The following TCF3 variants were observed in gnomAD, a reference collection of about 807,000 sequenced individuals.
TCF3 encodes the protein transcription factor 3.
In TCF3, 54 loss-of-function variants were observed where a neutral mutation model predicts 72.3. The ratio of observed to expected loss-of-function variants is 0.75; its 90% CI spans 0.60 to 0.94. The LOEUF (loss-of-function observed/expected upper bound fraction) is 0.94, where lower values mean the gene tolerates loss of function less well. Ranked by LOEUF, TCF3 falls within the 40% of genes least tolerant of loss-of-function variation. TCF3 has a pLI of 0.00. For missense variants in TCF3, 1,078 were observed against 934.4 expected (o/e 1.15, Z -2.00); for synonymous variants, 525 against 412.6 (o/e 1.27, Z -3.30).
At position 1,648,532 on chromosome 19, in the gene TCF3, T is replaced by A. The variant is rs144235960; in HGVS notation, c.72+1645A>T. Among the ~76,000 whole-genome samples the A allele has an allele frequency of 7.3e-3, 1,116 of 152,258 alleles. 10 individuals are homozygous for A. Among genetic ancestry groups the A allele is most frequent in the South Asian group, 0.017 (84 of 4,826 alleles). On this transcript the variant is annotated intron_variant, in intron 2 of 18. Coordinates refer to ENST00000262965, the MANE Select transcript of TCF3 (RefSeq NM_003200.5). ...TGGTCTGTTCCAGCCCAGCGGTCTG[T>A]GACTTGTCAGTTTAACAAAAAACAA...
At chr19:1,639,571 C>T (rs1208369159) in intron 3 of TCF3, among the ~76,000 whole-genome samples, 1 of 152,038 alleles carries the variant, frequency 6.6e-6, no homozygotes, top group African/African-American at 2.4e-5. Flanking sequence ...CAAGTACTCA[C>T]AAAGAAGGAC....
At chr19:1,637,520 C>T (rs764788573) in intron 3 of TCF3, among the ~76,000 whole-genome samples, 4 of 152,176 alleles carry the variant, frequency 2.6e-5, no homozygotes, top group Admixed American at 6.5e-5. Flanking sequence ...CAGAGATAAC[C>T]GAGACCCCAT....
At chr19:1,642,188 AGACACAGACG>A (rs2065375355) in intron 3 of TCF3, among the ~76,000 whole-genome samples, 7 of 145,812 alleles carry the variant, frequency 4.8e-5, no homozygotes, top group South Asian at 2.3e-4. Context: ...ACACGCACGC[AGACACAGACG>A]CAGACACGCA....
In TCF3 at chr19:1,619,838, G is replaced by A. The variant is rs1188097835; in HGVS notation, c.1109C>T (p.Pro370Leu). 1 of 1,578,782 alleles carries A rather than the reference G, an allele frequency of 6.3e-7. No homozygotes were observed. The highest frequency in any genetic ancestry group is 8.6e-7 in the Non-Finnish European group (1 of 1,163,200). ...PQGLAGTSQW[P>L]RAGAPGALSP... ...TAAGGCACCGGGGGCTCCTGCTCGAGGCCACTGTGACGTTCCTGGAAGGGA... is the reference window on the plus strand; with the variant it reads ...TAAGGCACCGGGGGCTCCTGCTCGAAGCCACTGTGACGTTCCTGGAAGGGA... The change falls in exon 14 of 19, where the codon CCT (proline) becomes CTT (leucine). Residue 370 changes from proline (P) to leucine (L), a missense_variant. Transcript: ENST00000262965.
intron 2 of TCF3, among the ~76,000 whole-genome samples, chr19:1,647,575 C>T (rs1021745682): frequency 4.6e-5 from 7 of 152,216 alleles, no homozygotes; most frequent in African/African-American, 1.2e-4. Context: ...GTGGCACCCG[C>T]GCTGAAGGCA....
Position 1,619,121 on chromosome 19 carries a change from G to A in TCF3, c.1440C>T (p.Asp480=). Residue 480 remains aspartate (D), a synonymous_variant, in exon 16 of 19, where the codon GAC becomes GAT. Coordinates refer to ENST00000262965, the MANE Select transcript of TCF3 (RefSeq NM_003200.5). The part of the protein sequence containing the change: ...GTLPDLSRPP[D]SYSGLGRAGA... ...AGCTCAAGGGCTTACCACTGTAGGA[G>A]TCGGGAGGCCGAGACAGGTCAGGGA... 1.3e-6 allele frequency: 2 copies of A among 1,599,592 alleles called. No individual in the cohort carries two copies. The highest frequency in any genetic ancestry group is 1.7e-6 in the Non-Finnish European group (2 of 1,179,726).
At chr19:1,637,656 T>A (rs2064628130) in intron 3 of TCF3, among the ~76,000 whole-genome samples, 1 of 152,140 alleles carries the variant, frequency 6.6e-6, no homozygotes, top group African/African-American at 2.4e-5. Context: ...ACGCCTGTAA[T>A]CCCAGCACTT....
Position 1,622,185 on chromosome 19 carries a change from G to T in TCF3, c.691C>A (p.Pro231Thr). 1 of 1,567,404 alleles carries T rather than the reference G, an allele frequency of 6.4e-7. No homozygotes were observed. The highest frequency in any genetic ancestry group is 1.9e-5 in the Admixed American group (1 of 53,960). ...ATGGGCCCGAAGCCCGCCTGGCCCG[G>T]GGGACTCCAGAGCTCGGCTGAGGGG... ...LHPSAELWSPPGQAGFGPMLG... is the reference protein window; with the variant it reads ...LHPSAELWSPTGQAGFGPMLG... The change falls in exon 10 of 19, where the codon CCG becomes ACG. Residue 231 changes from proline (P) to threonine (T), a missense_variant. Transcript: ENST00000262965.
intron 3 of TCF3, among the ~76,000 whole-genome samples, chr19:1,636,653 C>A (rs536825038): frequency 6.6e-6 from 1 of 152,156 alleles, no homozygotes; most frequent in East Asian, 1.9e-4. Flanking sequence ...CGGCCCAGCT[C>A]GCGCACTGCA....
chr19:1,633,044 CAGG>C (rs1276554997), intron 3 of TCF3, among the ~76,000 whole-genome samples: 1 of 150,786 alleles, frequency 6.6e-6, no homozygotes, highest in Non-Finnish European at 1.5e-5. Context: ...CTGCGTGGGG[CAGG>C]AGTTCCCGGC....
rs377688933 is a variant in TCF3, at chr19:1,627,412, G to A, written c.313C>T (p.Arg105Trp). ...CTCCCGAAGGAGGCATAGGCGCCCC[G>A]CTCACCGCTCTTGCCTGCAAGGGGA... Reference protein sequence around the residue: ...GPGLGGKSGERGAYASFGRDA... With the variant: ...GPGLGGKSGEWGAYASFGRDA... The change falls in exon 6 of 19, where the codon CGG becomes TGG. Residue 105 changes from arginine to tryptophan, a missense_variant. Coordinates refer to ENST00000262965, the MANE Select transcript of TCF3 (RefSeq NM_003200.5). The A allele has an allele frequency of 7.4e-6, 12 of 1,611,836 alleles. No individual in the cohort carries two copies. The highest frequency in any genetic ancestry group is 1.1e-5 in the South Asian group (1 of 90,840).
At chr19:1,626,497 C>T (rs764154749) in intron 6 of TCF3, among the ~76,000 whole-genome samples, 15 of 152,132 alleles carry the variant, frequency 9.9e-5, no homozygotes, top group African/African-American at 2.9e-4. Flanking sequence ...AGTGGCCCCA[C>T]GGGGTGGCCC....
At position 1,611,376 on chromosome 19, in the gene TCF3, A is replaced by G. The variant is rs1371452591; in HGVS notation, c.*331T>C. The G allele has an allele frequency of 2.5e-6, 1 of 399,452 alleles. No homozygotes were observed. The highest frequency in any genetic ancestry group is 1.3e-4 in the South Asian group (1 of 7,532). The allele number at this position is 399,452 out of a possible 1,614,324, so 24.7% of individuals were successfully genotyped here. A position where few individuals can be genotyped will look rare whatever the true frequency, so the allele number is the denominator to read the frequency against. On this transcript the variant is annotated 3_prime_UTR_variant, in exon 19 of 19. Coordinates refer to ENST00000262965, the MANE Select transcript of TCF3 (RefSeq NM_003200.5). The stretch of plus-strand genomic sequence containing the variant: ...TGCTTTCAGGTTTTGTTTACTGGAA[A>G]AAAAAAAAATGCTCCTGTCAGCCCA...
At position 1,609,918 on chromosome 19, in the gene TCF3, GC is replaced by G; in HGVS notation, c.*1788del. 1 of 232,822 alleles carries G rather than the reference GC, an allele frequency of 4.3e-6. No individual in the cohort carries two copies. The highest frequency in any genetic ancestry group is 8.5e-6 in the Non-Finnish European group (1 of 117,840). The allele number at this position is 232,822 out of a possible 1,614,324, so 14.4% of individuals were successfully genotyped here. ...CCTGCAGCGGGGATGAACACAGCCA[GC>G]CCAGGGGTCCACAAGGCCTCAATGC... On this transcript the variant is annotated 3_prime_UTR_variant, in exon 19 of 19. Transcript: ENST00000262965.
chr19:1,638,496 G>A (rs1052900222), intron 3 of TCF3, among the ~76,000 whole-genome samples: 1 of 152,130 alleles, frequency 6.6e-6, no homozygotes, highest in East Asian at 1.9e-4. Context: ...TGTTAACCAG[G>A]ATGGTCTCGA....
At chr19:1,646,291 A>C (rs1275527097) in intron 3 of TCF3, 64 bp downstream of exon 3, 36 of 1,490,648 alleles carry the variant, frequency 2.4e-5, no homozygotes, top group Non-Finnish European at 3.3e-5. Flanking sequence ...TCGCCCGCAC[A>C]CTGTCTTCAA....
intron 3 of TCF3, among the ~76,000 whole-genome samples, chr19:1,642,156 A>G (rs932396794): frequency 6.6e-6 from 1 of 151,250 alleles, no homozygotes; most frequent in African/African-American, 2.4e-5. Context: ...ACACACACAC[A>G]CACACACACG....
chr19:1,650,938 A>T (rs1248558551), intron 1 of TCF3: 1 of 230,298 alleles, frequency 4.3e-6, no homozygotes, highest in African/African-American at 2.2e-5. Context: ...CCCTCCCCCC[A>T]AGAAAACCCC....
At chr19:1,634,232 G>A (rs1159794287) in intron 3 of TCF3, among the ~76,000 whole-genome samples, 1 of 152,242 alleles carries the variant, frequency 6.6e-6, no homozygotes, top group African/African-American at 2.4e-5. Flanking sequence ...ACCGATTAAT[G>A]ATGCATTTTA....
Sources: gnomAD v4.1 joint callset for allele counts (sites outside exome capture counted in the v4.1 genomes callset) on GRCh38, gnomAD v4.1.1 for gene constraint, MANE v1.5 for transcripts, NCBI Gene and HGNC (gene_info 2026-07-23, HGNC 2026-07-21) for gene names.